The following NDUFAF2 variants were observed in gnomAD, a reference collection of about 807,000 sequenced individuals.
The protein encoded by NDUFAF2 is NADH:ubiquinone oxidoreductase complex assembly factor 2.
Under a neutral mutation model 22.8 loss-of-function variants are expected in NDUFAF2, and 13 were observed. The observed-to-expected ratio is 0.57, with a 90% CI of 0.37 to 0.91. The LOEUF (loss-of-function observed/expected upper bound fraction) is 0.91, where lower values mean the gene tolerates loss of function less well. NDUFAF2 is among the 40% of genes least tolerant of loss of function. The pLI, the probability that NDUFAF2 is intolerant of heterozygous loss-of-function variation, is 0.01. For missense variants in NDUFAF2, 162 were observed against 195.2 expected, an observed-to-expected ratio of 0.83 and a Z score of 1.01; for synonymous variants, 53 against 64.2, an observed-to-expected ratio of 0.83 and a Z score of 0.84.
Position 60,995,409 on chromosome 5 carries a change from C to T in NDUFAF2, c.127+50027C>T, listed in dbSNP as rs568008448. ...TTAAGGGGCACCCCAAGTTCAGTAA[C>T]GCTGTGGTTCTTGCAGACTCATAGA... On this transcript the variant is annotated intron_variant, in intron 1 of 3. Transcript: ENST00000296597. Among the ~76,000 whole-genome samples the T allele has an allele frequency of 1.6e-4, 25 of 152,278 alleles. No homozygotes were observed. The South Asian group carries it at 3.5e-3, about 21-fold the overall frequency.
intron 1 of NDUFAF2, among the ~76,000 whole-genome samples, chr5:60,985,557 C>T (rs1467019339): frequency 2.0e-5 from 3 of 152,180 alleles, no homozygotes; most frequent in African/African-American, 7.2e-5. Flanking sequence ...CGTCTACACA[C>T]TGCTTTAAAT....
chr5:61,133,417 A>G (rs542762552), intron 3 of NDUFAF2, among the ~76,000 whole-genome samples: 13 of 152,318 alleles, frequency 8.5e-5, no homozygotes, highest in Admixed American at 5.9e-4. Context: ...ACAAAGAAAA[A>G]TAGAGAAATA....
At chr5:60,972,846 G>C (rs1204118668) in intron 1 of NDUFAF2, among the ~76,000 whole-genome samples, 1 of 98,000 alleles carries the variant, frequency 1.0e-5, no homozygotes, top group African/African-American at 4.0e-5. Context: ...AGGAAGGTTT[G>C]TAGTTTTGTA....
chr5:61,146,372 T>A (rs1741137998), intron 3 of NDUFAF2: 1 of 152,224 alleles, frequency 6.6e-6, no homozygotes, highest in African/African-American at 2.4e-5. Context: ...TTCATTCTGA[T>A]CATTTCCAGT....
chr5:60,972,035 C>T (rs1302694633), intron 1 of NDUFAF2, among the ~76,000 whole-genome samples: 3 of 150,954 alleles, frequency 2.0e-5, no homozygotes, highest in Admixed American at 1.3e-4. Flanking sequence ...TGCCACCTCC[C>T]GAGTTCAAGC....
chr5:60,988,503 G>A (rs1751113118), intron 1 of NDUFAF2, among the ~76,000 whole-genome samples: 1 of 152,092 alleles, frequency 6.6e-6, no homozygotes, highest in Middle Eastern at 3.2e-3. Context: ...AAACCTGGAG[G>A]CATAATGTTA....
intron 1 of NDUFAF2, among the ~76,000 whole-genome samples, chr5:61,071,839 G>T (rs6894209): frequency 2.0e-5 from 3 of 152,138 alleles, no homozygotes; most frequent in Non-Finnish European, 2.9e-5. Flanking sequence ...AGGCTCAAAG[G>T]TTCAGTGAGA....
intron 1 of NDUFAF2, among the ~76,000 whole-genome samples, chr5:60,986,028 C>T (rs979988844): frequency 2.0e-5 from 3 of 152,244 alleles, no homozygotes; most frequent in Non-Finnish European, 4.4e-5. Flanking sequence ...AAAGGGACCC[C>T]ATGTACCATG....
intron 1 of NDUFAF2, among the ~76,000 whole-genome samples, chr5:60,978,843 G>A (rs1473314764): frequency 1.3e-5 from 2 of 152,128 alleles, no homozygotes; most frequent in Non-Finnish European, 2.9e-5. Context: ...CCAAGTGAGT[G>A]CCTGTGTCAC....
intron 3 of NDUFAF2, among the ~76,000 whole-genome samples, chr5:61,101,938 G>A (rs1421102871): frequency 3.9e-5 from 6 of 152,014 alleles, no homozygotes; most frequent in African/African-American, 1.4e-4. Flanking sequence ...CTTTTATTTT[G>A]CATCTGCATC....
intron 2 of NDUFAF2, among the ~76,000 whole-genome samples, chr5:61,079,382 A>G (rs2111740238): frequency 6.6e-6 from 1 of 152,320 alleles, no homozygotes; most frequent in East Asian, 1.9e-4. Context: ...ATGTTCTGCA[A>G]TGGTCATTTA....
At chr5:61,033,035 G>A (rs1751748553) in intron 1 of NDUFAF2, among the ~76,000 whole-genome samples, 3 of 152,120 alleles carry the variant, frequency 2.0e-5, no homozygotes, top group African/African-American at 7.2e-5. Flanking sequence ...CTATCCATGA[G>A]CATGGAATGT....
intron 1 of NDUFAF2, among the ~76,000 whole-genome samples, chr5:61,014,035 G>A (rs1561542042): frequency 1.3e-5 from 2 of 152,192 alleles, no homozygotes; most frequent in South Asian, 2.1e-4. Flanking sequence ...AGTGATGAGA[G>A]TGTTTCTTGT....
intron 1 of NDUFAF2, among the ~76,000 whole-genome samples, chr5:60,986,515 T>C (rs1006469156): frequency 2.0e-5 from 3 of 151,962 alleles, no homozygotes; most frequent in Admixed American, 1.3e-4. Context: ...CATCAAAAAT[T>C]AGAAAGTTCT....
intron 1 of NDUFAF2, chr5:61,050,361 G>A (rs1015605183): frequency 6.6e-6 from 1 of 152,048 alleles, no homozygotes; most frequent in Admixed American, 6.6e-5. Context: ...ATGATGAAAT[G>A]TACAATCTCA....
intron 1 of NDUFAF2, among the ~76,000 whole-genome samples, chr5:61,031,752 T>G (rs1158697601): frequency 1.3e-5 from 2 of 152,178 alleles, no homozygotes; most frequent in Non-Finnish European, 2.9e-5. Flanking sequence ...GTAATGGGAT[T>G]GCTGGGTCAA....
chr5:61,145,260 G>T (rs1254306507), intron 3 of NDUFAF2, among the ~76,000 whole-genome samples: 1 of 152,116 alleles, frequency 6.6e-6, no homozygotes, highest in African/African-American at 2.4e-5. Context: ...CCTTTTGGGG[G>T]CTTAAGTTCA....
intron 2 of NDUFAF2, among the ~76,000 whole-genome samples, chr5:61,082,459 T>A (rs1404882875): frequency 1.3e-5 from 2 of 152,142 alleles, no homozygotes; most frequent in African/African-American, 4.8e-5. Context: ...TCCATGTGCA[T>A]GTTTCTTACA....
chr5:60,966,914 A>T (rs1164927248), intron 1 of NDUFAF2, among the ~76,000 whole-genome samples: 1 of 152,086 alleles, frequency 6.6e-6, no homozygotes, highest in Non-Finnish European at 1.5e-5. Flanking sequence ...GATTGCAGTG[A>T]ATCTGTAGAT....
Sources: gnomAD v4.1 joint callset for allele counts (sites outside exome capture counted in the v4.1 genomes callset) on GRCh38, gnomAD v4.1.1 for gene constraint, MANE v1.5 for transcripts, NCBI Gene and HGNC (gene_info 2026-07-23, HGNC 2026-07-21) for gene names.